The following THSD1 variants were observed in gnomAD, a reference collection of about 807,000 sequenced individuals.
THSD1 encodes the protein thrombospondin type-1 domain-containing protein 1.
THSD1 carries 34 observed loss-of-function variants against 46.3 expected under a neutral mutation model. That is an observed-to-expected ratio of 0.74 (90% CI 0.56 to 0.98). THSD1 has a LOEUF of 0.98. Among genes scored for constraint, THSD1 ranks in the 50% least tolerant of loss-of-function variants. The pLI, the probability that THSD1 is intolerant of heterozygous loss-of-function variation, is 0.00. For synonymous variants in THSD1, 407 were observed against 416.5 expected (o/e 0.98, Z 0.28); for missense variants, 1,023 against 1,058.3 (o/e 0.97, Z 0.46).
At position 52,378,436 on chromosome 13, in the gene THSD1, C is replaced by T. The variant is rs761511191; in HGVS notation, c.1534G>A (p.Gly512Ser). The T allele has an allele frequency of 2.5e-6, 4 of 1,614,156 alleles. No homozygotes were observed. In the Admixed American group the frequency reaches 6.7e-5, roughly 27 times the overall value. ...GCGTTGGACTGGAAGCTCTCGCTGC[C>T]AGAGGCATCATCCTCGGGAGGTACC... Reference protein sequence around the residue: ...GPVPPEDDASGSESFQSNAQK... With the variant: ...GPVPPEDDASSSESFQSNAQK... The change falls in exon 5 of 5, where the codon GGC (glycine) becomes AGC (serine). Residue 512 changes from glycine (G) to serine (S), a missense_variant. Physicochemically the swap from Gly to Ser is moderately conservative, Grantham distance 56 (BLOSUM62 0). Coordinates refer to ENST00000258613, the MANE Select transcript of THSD1 (RefSeq NM_018676.4).
rs538602831 is a variant in THSD1 at position 52,394,572 on chromosome 13, C to A, written c.1021+2660G>T. Among the ~76,000 whole-genome samples, 6 of 151,576 alleles carry A rather than the reference C, an allele frequency of 4.0e-5. No individual in the cohort carries two copies. The South Asian group carries it at 1.2e-3, about 32-fold the overall frequency. ...GAGTTTGCAGTGAGCCAAGATTGTG[C>A]CACTGCACTCCAGCCTGGGCAACAG... is the stretch of plus-strand genomic sequence containing the variant. On this transcript the variant is annotated intron_variant, in intron 3 of 4. Transcript: ENST00000258613.
chr13:52,383,802 T>C, intron 4 of THSD1, among the ~76,000 whole-genome samples: 1 of 152,242 alleles, frequency 6.6e-6, no homozygotes, highest in Non-Finnish European at 1.5e-5. Context: ...TTTATCCACA[T>C]AAGCAATATC....
In THSD1 at chr13:52,397,793, G is replaced by C; in HGVS notation, c.460C>G (p.Pro154Ala). The change falls in exon 3 of 5, where the codon CCA becomes GCA. Residue 154 changes from proline (P) to alanine (A), a missense_variant. Pro to Ala is a conservative substitution (Grantham distance 27, BLOSUM62 -1). This residue lies in a region of THSD1 where 429 missense variants were observed against 518.3 expected (regional missense o/e 0.83). Coordinates refer to ENST00000258613, the MANE Select transcript of THSD1 (RefSeq NM_018676.4). ...TFQVGLFTSQ[P>A]LCPFPVDKPN... is the part of the protein sequence containing the mutation. ...TTGTCCACAGGAAACGGGCACAGTGGTTGACTGGTAAATAGGCCCACTTGG... is the reference window on the plus strand; with the variant it reads ...TTGTCCACAGGAAACGGGCACAGTGCTTGACTGGTAAATAGGCCCACTTGG... The C allele has an allele frequency of 6.2e-7, 1 of 1,614,234 alleles. No homozygotes were observed. The highest frequency in any genetic ancestry group is 8.5e-7 in the Non-Finnish European group (1 of 1,180,042).
chr13:52,397,437 G>A lies in THSD1; in HGVS notation c.816C>T (p.Val272=), dbSNP rs143749109. Residue 272 remains valine, a synonymous_variant, in exon 3 of 5, where the codon GTC becomes GTT. Coordinates refer to ENST00000258613, the MANE Select transcript of THSD1 (RefSeq NM_018676.4). Reference sequence around the variant, plus strand: ...ATCTGGGGGCCTCCTTGAAGACAGTGACCACTCCTTGGACGAAGGTGCATG... The same window carrying A: ...ATCTGGGGGCCTCCTTGAAGACAGTAACCACTCCTTGGACGAAGGTGCATG... ...PPPCTFVQGV[V]TVFKEAPRYP... The A allele has an allele frequency of 1.4e-4, 234 of 1,614,076 alleles. 1 individual carries two copies. In the African/African-American group the frequency reaches 2.9e-3, roughly 20 times the overall value.
chr13:52,404,533 G>A (rs1957892042), intron 1 of THSD1, among the ~76,000 whole-genome samples: 1 of 152,176 alleles, frequency 6.6e-6, no homozygotes, highest in Non-Finnish European at 1.5e-5. Context: ...AGAAAGGAAA[G>A]AAGAAGAAAA....
rs554122002 is a variant in THSD1, at chr13:52,391,060, G to A, written c.1022-4874C>T. Among the ~76,000 whole-genome samples, 3 of 152,206 alleles carry A rather than the reference G, an allele frequency of 2.0e-5. No individual in the cohort carries two copies. In the South Asian group the frequency reaches 6.2e-4, roughly 32 times the overall value. On this transcript the variant is annotated intron_variant, in intron 3 of 4. Transcript: ENST00000258613. The stretch of plus-strand genomic sequence containing the variant: ...CATCTGCCCTACACGTTTTCTTTAT[G>A]TTTTGTAGTGCTTTGTGTACCTTTG...
At chr13:52,389,854 T>C (rs1006325102) in intron 3 of THSD1, among the ~76,000 whole-genome samples, 4 of 152,116 alleles carry the variant, frequency 2.6e-5, no homozygotes, top group Non-Finnish European at 4.4e-5. Context: ...TAAATAATTA[T>C]TCTGGTAGTC....
intron 3 of THSD1, among the ~76,000 whole-genome samples, chr13:52,387,325 T>C (rs1594099274): frequency 6.6e-6 from 1 of 152,058 alleles, no homozygotes; most frequent in East Asian, 1.9e-4. Context: ...ATTAACCCAA[T>C]ACCCAAACTA....
chr13:52,377,199 T>TA lies in THSD1; in HGVS notation c.*211dup. On this transcript the variant is annotated 3_prime_UTR_variant, in exon 5 of 5. Transcript: ENST00000258613. ...ATTTACATTTTATTATCATTGTTAT[T>TA]ACTAATAAATCAATAGAAATTGAAT... 1 of 1,293,424 alleles carries TA rather than the reference T, an allele frequency of 7.7e-7. No individual in the cohort carries two copies. Among genetic ancestry groups the TA allele is most frequent in the African/African-American group, 1.5e-5 (1 of 67,754 alleles). The allele number at this position is 1,293,424 out of a possible 1,614,324, so 80.1% of individuals were successfully genotyped here.
chr13:52,390,140 C>CG (rs1957762756), intron 3 of THSD1, among the ~76,000 whole-genome samples: 1 of 138,372 alleles, frequency 7.2e-6, no homozygotes, highest in Non-Finnish European at 1.5e-5. Flanking sequence ...GACATTGTCT[C>CG]AAAAAAAAAA....
chr13:52,379,922 A>G (rs754401486), intron 4 of THSD1, among the ~76,000 whole-genome samples: 8 of 152,198 alleles, frequency 5.3e-5, no homozygotes, highest in Non-Finnish European at 8.8e-5. Flanking sequence ...CTACATATGT[A>G]CATCTTAAGG....
Position 52,398,054 on chromosome 13 carries a change from T to G in THSD1, c.199A>C (p.Asn67His), listed in dbSNP as rs1337071744. 5.0e-6 allele frequency: 8 copies of G among 1,614,222 alleles called. No individual in the cohort carries two copies. The highest frequency in any genetic ancestry group is 6.8e-6 in the Non-Finnish European group (8 of 1,180,040). Residue 67 changes from asparagine (N) to histidine (H), a missense_variant, in exon 3 of 5, where the codon AAC becomes CAC. This residue lies in a region of THSD1 where 429 missense variants were observed against 518.3 expected (regional missense o/e 0.83). Coordinates refer to ENST00000258613, the MANE Select transcript of THSD1 (RefSeq NM_018676.4). ...TTGGTAGTTACAGTCTGATTGGTGT[T>G]GGCCTCCAACAGCAGGACAGATACA... ...RNVSVLLLEA[N>H]TNQTVTTKYL...
At position 52,402,843 on chromosome 13, in the gene THSD1, A is replaced by T; in HGVS notation, c.-81-162T>A. The T allele has an allele frequency of 3.1e-6, 3 of 981,346 alleles. 1 individual carries two copies. Among genetic ancestry groups the T allele is most frequent in the Non-Finnish European group, 3.6e-6 (3 of 826,210 alleles). 60.8% of individuals were successfully genotyped at this position (981,346 alleles called of 1,614,324 possible). A position where few individuals can be genotyped will look rare whatever the true frequency, so the allele number is the denominator to read the frequency against. ...CCCTGGGGCAATGACTTATAATTAT[A>T]CAAGCCTTTTTCATTCCATTATAAC... On this transcript the variant is annotated intron_variant, in intron 1 of 4. Coordinates refer to ENST00000258613, the MANE Select transcript of THSD1 (RefSeq NM_018676.4).
chr13:52,394,304 A>G (rs1957795935), intron 3 of THSD1, among the ~76,000 whole-genome samples: 1 of 151,906 alleles, frequency 6.6e-6, no homozygotes, highest in Non-Finnish European at 1.5e-5. Flanking sequence ...CCCCATGAAT[A>G]TTTTCTTTTG....
chr13:52,404,901 G>C (rs1957895016), intron 1 of THSD1, among the ~76,000 whole-genome samples: 1 of 152,144 alleles, frequency 6.6e-6, no homozygotes, highest in African/African-American at 2.4e-5. Context: ...TCTATATTTA[G>C]AGCTGAATGG....
chr13:52,385,947 ACT>A, intron 4 of THSD1, 79 bp downstream of exon 4: 1 of 1,319,102 alleles, frequency 7.6e-7, no homozygotes, highest in East Asian at 2.4e-5. Flanking sequence ...TAGACTGGTA[ACT>A]CTCAGGCAGG....
At position 52,378,065 on chromosome 13, in the gene THSD1, G is replaced by A. The variant is rs372947218; in HGVS notation, c.1905C>T (p.Ser635=). The change falls in exon 5 of 5, where the codon AGC becomes AGT. Residue 635 remains serine (S), a synonymous_variant. Coordinates refer to ENST00000258613, the MANE Select transcript of THSD1 (RefSeq NM_018676.4). The part of the protein sequence containing the change: ...IRKSQARHVG[S]RGGPSERSHA... ...GGCTCCTTTCGGACGGGCCCCCTCTGCTGCCCACGTGCCTTGCCTGTGACT... is the reference window on the plus strand; with the variant it reads ...GGCTCCTTTCGGACGGGCCCCCTCTACTGCCCACGTGCCTTGCCTGTGACT... 226 of 1,614,044 alleles carry A rather than the reference G, an allele frequency of 1.4e-4. 5 individuals carry two copies. The East Asian group carries it at 1.4e-3, about 10-fold the overall frequency.
At chr13:52,385,195 G>A (rs1229959522) in intron 4 of THSD1, among the ~76,000 whole-genome samples, 1 of 152,140 alleles carries the variant, frequency 6.6e-6, no homozygotes, top group Non-Finnish European at 1.5e-5. Context: ...GAATTGGAGA[G>A]TACAATGACA....
At chr13:52,395,052 G>T (rs1326539107) in intron 3 of THSD1, among the ~76,000 whole-genome samples, 1 of 152,194 alleles carries the variant, frequency 6.6e-6, no homozygotes, top group Non-Finnish European at 1.5e-5. Flanking sequence ...CTGGGCCCCA[G>T]TGCAGAGATG....
Sources: gnomAD v4.1 joint callset for allele counts (sites outside exome capture counted in the v4.1 genomes callset) on GRCh38, gnomAD v4.1.1 for gene constraint, gnomAD v4.1.1 regional missense constraint, MANE v1.5 for transcripts, NCBI Gene and HGNC (gene_info 2026-07-23, HGNC 2026-07-21) for gene names.